Variants in C2CD3 observed in about 807,000 individuals in gnomAD.
The protein encoded by C2CD3 is C2 domain containing 3 centriole elongation regulator.
A neutral mutation model predicts 234.0 loss-of-function variants in C2CD3; 148 were observed. The observed-to-expected ratio is 0.63, with a 90% CI of 0.55 to 0.72. The LOEUF (loss-of-function observed/expected upper bound fraction) is 0.72, where lower values mean the gene tolerates loss of function less well. Ranked by LOEUF, C2CD3 falls within the 30% of genes least tolerant of loss-of-function variation. The pLI, the probability that C2CD3 is intolerant of heterozygous loss-of-function variation, is 0.00. For missense variants in C2CD3, 2,577 were observed against 2,811.5 expected (o/e 0.92, Z 1.89); for synonymous variants, 1,000 against 1,035.4 (o/e 0.97, Z 0.66).
intron 9 of C2CD3, among the ~76,000 whole-genome samples, chr11:74,117,179 T>C (rs1957042575): frequency 1.3e-5 from 1 of 79,950 alleles, no homozygotes; most frequent in Non-Finnish European, 2.0e-5. Context: ...TGAATATATA[T>C]ATATGAATAT....
chr11:74,057,646 G>A (rs2135439615), intron 24 of C2CD3, 102 bp from the exon 25 acceptor site: 1 of 1,215,202 alleles, frequency 8.2e-7, no homozygotes, highest in East Asian at 2.3e-5. Context: ...TCTTCCTATG[G>A]GGTCTTTGCT....
chr11:74,024,910 C>T (rs1260994826), intron 32 of C2CD3, among the ~76,000 whole-genome samples: 2 of 152,136 alleles, frequency 1.3e-5, no homozygotes, highest in African/African-American at 4.8e-5. Context: ...TGCATCAGTT[C>T]TGGGCTAACC....
chr11:74,062,526 TG>T (rs1954295408), intron 24 of C2CD3, among the ~76,000 whole-genome samples: 1 of 152,142 alleles, frequency 6.6e-6, no homozygotes, highest in Non-Finnish European at 1.5e-5. Flanking sequence ...GAATGACTAC[TG>T]GGTACATAAC....
intron 24 of C2CD3, among the ~76,000 whole-genome samples, chr11:74,065,065 G>T (rs975306398): frequency 1.3e-5 from 2 of 152,248 alleles, no homozygotes; most frequent in East Asian, 1.9e-4. Context: ...TGACAAATGG[G>T]ATCTAATTAA....
chr11:74,170,980 A>G lies in C2CD3; in HGVS notation c.-188T>C. ...AACGGTGCGAAGAGAAGGCGCCAAGACGCCTTCCCTCCAATACACTACAAT... is the reference window on the plus strand; with the variant it reads ...AACGGTGCGAAGAGAAGGCGCCAAGGCGCCTTCCCTCCAATACACTACAAT... On this transcript the variant is annotated 5_prime_UTR_variant, in exon 1 of 33. Transcript: ENST00000334126. 2.2e-6 allele frequency: 3 copies of G among 1,339,418 alleles called. No individual in the cohort carries two copies. Among genetic ancestry groups the G allele is most frequent in the South Asian group, 1.3e-5 (1 of 75,108 alleles). 83.0% of individuals were successfully genotyped at this position (1,339,418 alleles called of 1,614,324 possible).
At chr11:74,072,978 T>C (rs1218576100) in intron 24 of C2CD3, among the ~76,000 whole-genome samples, 1 of 151,724 alleles carries the variant, frequency 6.6e-6, no homozygotes, top group Non-Finnish European at 1.5e-5. Context: ...CTCCAGGAAA[T>C]GGTGATGCCT....
chr11:74,148,079 T>G (rs922367861), intron 3 of C2CD3, among the ~76,000 whole-genome samples: 1 of 152,194 alleles, frequency 6.6e-6, no homozygotes, highest in Non-Finnish European at 1.5e-5. Flanking sequence ...TTTTACAAAT[T>G]TTACAAATGT....
intron 32 of C2CD3, among the ~76,000 whole-genome samples, chr11:74,016,234 C>T (rs1390472735): frequency 1.3e-5 from 2 of 152,214 alleles, no homozygotes; most frequent in African/African-American, 4.8e-5. Context: ...CCAACAATCA[C>T]AGAGATGAAG....
At chr11:74,024,241 G>C (rs1256580042) in intron 32 of C2CD3, among the ~76,000 whole-genome samples, 1 of 152,180 alleles carries the variant, frequency 6.6e-6, no homozygotes, top group African/African-American at 2.4e-5. Context: ...GAAGACAGTG[G>C]AAAGGTATCT....
intron 25 of C2CD3, among the ~76,000 whole-genome samples, chr11:74,055,220 A>G (rs772642313): frequency 1.3e-5 from 2 of 152,202 alleles, no homozygotes; most frequent in African/African-American, 2.4e-5. Flanking sequence ...GTCACTTAAG[A>G]GTCAGTAAGT....
At chr11:74,139,415 TCTTA>T (rs1220975173) in intron 4 of C2CD3, among the ~76,000 whole-genome samples, 186 bp downstream of exon 4, 1 of 152,204 alleles carries the variant, frequency 6.6e-6, no homozygotes, top group Admixed American at 6.5e-5. Flanking sequence ...AGAAATCATG[TCTTA>T]CTTATTTCTA....
At chr11:74,130,121 GGGGGAGAGGGAGAGGGAGAGGGAGA>G (rs1423468693) in intron 7 of C2CD3, 2 of 145,498 alleles carry the variant, frequency 1.4e-5, no homozygotes. Flanking sequence ...ACCGTGGGGA[GGGGGAGAGGGAGAGGGAGAGGGAGA>G]GGGGAGAGGG....
chr11:74,021,838 C>T (rs761617446), intron 32 of C2CD3, among the ~76,000 whole-genome samples: 10 of 151,880 alleles, frequency 6.6e-5, no homozygotes, highest in African/African-American at 1.7e-4. Context: ...TAGAAATAGT[C>T]GGGGGGGCTG....
At chr11:74,092,918 T>C (rs1284239897) in intron 18 of C2CD3, among the ~76,000 whole-genome samples, 1 of 152,168 alleles carries the variant, frequency 6.6e-6, no homozygotes, top group Non-Finnish European at 1.5e-5. Context: ...CCAATATCTT[T>C]CATGGCTTAC....
At chr11:74,031,527 G>C (rs545154585) in intron 31 of C2CD3, among the ~76,000 whole-genome samples, 1 of 152,304 alleles carries the variant, frequency 6.6e-6, no homozygotes, top group African/African-American at 2.4e-5. Context: ...TCCAAGTAGA[G>C]TTAGGGCAGC....
intron 24 of C2CD3, among the ~76,000 whole-genome samples, chr11:74,071,484 C>T (rs150346277): frequency 6.6e-6 from 1 of 152,308 alleles, no homozygotes; most frequent in Non-Finnish European, 1.5e-5. Context: ...TAGACCTGCC[C>T]ATCTGGTTCT....
At chr11:74,128,872 A>C (rs1957515389) in intron 7 of C2CD3, 1 of 273,044 alleles carries the variant, frequency 3.7e-6, no homozygotes, top group South Asian at 3.4e-5. Flanking sequence ...ATAAGGTCAT[A>C]GATCAACAGG....
intron 5 of C2CD3, among the ~76,000 whole-genome samples, chr11:74,138,445 T>C (rs543797851): frequency 2.0e-5 from 3 of 152,356 alleles, no homozygotes; most frequent in African/African-American, 7.2e-5. Context: ...CTAATCCTTT[T>C]CTATGATAAA....
rs1389359824 is a variant in C2CD3, at chr11:74,013,106, T to TGCTTGGGTCCC, written c.*268_*278dup. On this transcript the variant is annotated 3_prime_UTR_variant, in exon 33 of 33. Transcript: ENST00000334126. ...GGGCGTTTCTCCACCGAAAGATGCC[T>TGCTTGGGTCCC]GCTTGGGTCCCACTTGGGCGCGGAT... The TGCTTGGGTCCC allele has an allele frequency of 4.7e-6, 1 of 211,524 alleles. No homozygotes were observed. Among genetic ancestry groups the TGCTTGGGTCCC allele is most frequent in the African/African-American group, 2.3e-5 (1 of 43,728 alleles). 13.1% of individuals were successfully genotyped at this position (211,524 alleles called of 1,614,324 possible).
Sources: allele counts gnomAD v4.1 joint callset (sites outside exome capture counted in the v4.1 genomes callset), GRCh38; gene constraint gnomAD v4.1.1; transcripts MANE v1.5; gene names NCBI Gene and HGNC (gene_info 2026-07-23, HGNC 2026-07-21).